KIAA1328: variants seen among roughly 807,000 people sequenced by gnomAD.
KIAA1328 encodes KIAA1328.
KIAA1328 carries 52 observed loss-of-function variants against 68.1 expected under a neutral mutation model. The observed-to-expected ratio is 0.76, with a 90% CI of 0.61 to 0.96. KIAA1328 has a LOEUF of 0.96. KIAA1328 is among the 40% of genes least tolerant of loss of function. The pLI, the probability that KIAA1328 is intolerant of heterozygous loss-of-function variation, is 0.00. For missense variants in KIAA1328, 641 were observed against 677.6 expected, an observed-to-expected ratio of 0.95 and a Z score of 0.60; for synonymous variants, 232 against 239.4, an observed-to-expected ratio of 0.97 and a Z score of 0.28.
chr18:36,918,575 GCTAA>G (rs1176790372), intron 5 of KIAA1328, among the ~76,000 whole-genome samples: 1 of 151,810 alleles, frequency 6.6e-6, no homozygotes. Flanking sequence ...ACCATGCCTG[GCTAA>G]CTGTTTTGTA....
At chr18:37,131,407 G>A (rs974762796) in intron 7 of KIAA1328, among the ~76,000 whole-genome samples, 3 of 152,148 alleles carry the variant, frequency 2.0e-5, no homozygotes, top group Non-Finnish European at 4.4e-5. Flanking sequence ...TTCTGTGTTT[G>A]TAGCACCTTT....
chr18:37,085,108 C>G (rs1019840480), intron 7 of KIAA1328, among the ~76,000 whole-genome samples: 5 of 152,066 alleles, frequency 3.3e-5, no homozygotes, highest in African/African-American at 1.2e-4. Flanking sequence ...TGACCTGGCT[C>G]TGGGCTGGTC....
At chr18:37,073,253 G>T (rs1485064740) in intron 7 of KIAA1328, among the ~76,000 whole-genome samples, 1 of 152,092 alleles carries the variant, frequency 6.6e-6, no homozygotes, top group East Asian at 1.9e-4. Context: ...GAAAATTTTT[G>T]CAATCTACCC....
At chr18:36,990,656 G>C (rs1018487782) in intron 6 of KIAA1328, among the ~76,000 whole-genome samples, 1 of 151,554 alleles carries the variant, frequency 6.6e-6, no homozygotes. Context: ...GGGCAACAGA[G>C]CAAGACTCCG....
At chr18:37,097,389 T>C (rs948442614) in intron 7 of KIAA1328, among the ~76,000 whole-genome samples, 1 of 152,216 alleles carries the variant, frequency 6.6e-6, no homozygotes, top group Admixed American at 6.5e-5. Context: ...GTTGCAGATA[T>C]GTGGCATTAT....
intron 6 of KIAA1328, among the ~76,000 whole-genome samples, chr18:37,038,882 G>T (rs1229170955): frequency 2.0e-5 from 3 of 152,112 alleles, no homozygotes; most frequent in Non-Finnish European, 2.9e-5. Context: ...AATTGAGAAA[G>T]CTGTGTTCTT....
chr18:37,125,376 T>C (rs2058366036), intron 7 of KIAA1328, among the ~76,000 whole-genome samples: 1 of 152,154 alleles, frequency 6.6e-6, no homozygotes, highest in Non-Finnish European at 1.5e-5. Flanking sequence ...AGAGGGAATC[T>C]TATAGCATTT....
intron 6 of KIAA1328, among the ~76,000 whole-genome samples, chr18:36,963,205 C>T (rs1213090442): frequency 7.9e-5 from 12 of 152,172 alleles, no homozygotes; most frequent in Admixed American, 2.0e-4. Flanking sequence ...CCCTGCTACA[C>T]GGAAAACAAG....
chr18:36,837,164 A>G (rs2046705226), intron 3 of KIAA1328, among the ~76,000 whole-genome samples: 1 of 152,024 alleles, frequency 6.6e-6, no homozygotes, highest in Non-Finnish European at 1.5e-5. Flanking sequence ...CCTTTTGACA[A>G]AATTCCAAAC....
Position 36,950,647 on chromosome 18 carries a change from C to T in KIAA1328, c.449-8661C>T, listed in dbSNP as rs189488687. On this transcript the variant is annotated intron_variant, in intron 5 of 9. Transcript: ENST00000280020. ...GTAGGAATCTAGGATTAAGGGCGGG[C>T]AAAACATTCTAGGCAGAACGTTATG... Among the ~76,000 whole-genome samples, 29 of 152,108 alleles carry T rather than the reference C, an allele frequency of 1.9e-4. 1 individual carries two copies. Among genetic ancestry groups the T allele is most frequent in the Admixed American group, 1.5e-3 (23 of 15,286 alleles).
chr18:37,186,221 C>T (rs1394420932), intron 9 of KIAA1328, among the ~76,000 whole-genome samples: 9 of 151,276 alleles, frequency 5.9e-5, no homozygotes, highest in East Asian at 5.8e-4. Context: ...CTCAGCCTCC[C>T]GAGTAGCTGG....
At chr18:36,835,045 T>C (rs1052807510) in intron 2 of KIAA1328, among the ~76,000 whole-genome samples, 189 bp from the exon 3 acceptor site, 5 of 152,208 alleles carry the variant, frequency 3.3e-5, no homozygotes, top group African/African-American at 2.4e-5. Context: ...ATTCAATCTT[T>C]AGTGTATTTC....
chr18:37,117,148 A>G (rs115512271), intron 7 of KIAA1328, among the ~76,000 whole-genome samples: 5 of 151,760 alleles, frequency 3.3e-5, no homozygotes, highest in Non-Finnish European at 4.4e-5. Flanking sequence ...TGACCCGGCC[A>G]TCCCAAGGGA....
chr18:36,928,417 C>A lies in KIAA1328; in HGVS notation c.449-30891C>A, dbSNP rs370171352. ...CTTTATTGTATCTCAGTTTTTTCAT[C>A]TGTAAAATGAAAATAATTGTACCTC... On this transcript the variant is annotated intron_variant, in intron 5 of 9. Transcript: ENST00000280020. Among the ~76,000 whole-genome samples, 94 of 152,218 alleles carry A rather than the reference C, an allele frequency of 6.2e-4. 1 individual carries two copies. The South Asian group carries it at 0.019, about 31-fold the overall frequency.
intron 5 of KIAA1328, among the ~76,000 whole-genome samples, chr18:36,953,521 T>A (rs1393943044): frequency 6.6e-6 from 1 of 151,368 alleles, no homozygotes; most frequent in East Asian, 1.9e-4. Context: ...CTTACAGATA[T>A]AAAATTTTAT....
chr18:37,050,409 C>T (rs1054549915), intron 6 of KIAA1328, among the ~76,000 whole-genome samples: 4 of 152,042 alleles, frequency 2.6e-5, no homozygotes, highest in African/African-American at 9.7e-5. Flanking sequence ...CTTTGCCTGT[C>T]TCATTTTCTC....
intron 7 of KIAA1328, among the ~76,000 whole-genome samples, chr18:37,126,972 A>G (rs763175059): frequency 2.6e-5 from 4 of 152,208 alleles, no homozygotes; most frequent in African/African-American, 4.8e-5. Flanking sequence ...ACCTGCAGTT[A>G]AAATATTTTG....
intron 6 of KIAA1328, among the ~76,000 whole-genome samples, chr18:37,033,657 G>A (rs2054917718): frequency 1.3e-5 from 2 of 152,162 alleles, no homozygotes; most frequent in Non-Finnish European, 2.9e-5. Flanking sequence ...CATATGTGCA[G>A]TCTTAGCAAA....
chr18:37,078,834 G>A (rs111237390), intron 7 of KIAA1328, among the ~76,000 whole-genome samples: 37,565 of 146,984 alleles, frequency 0.26, 7,424 homozygotes, highest in African/African-American at 0.57. Flanking sequence ...GAAACAACAG[G>A]TGCTGGAGAG....
Sources: gnomAD v4.1 joint callset for allele counts (sites outside exome capture counted in the v4.1 genomes callset) on GRCh38, gnomAD v4.1.1 for gene constraint, MANE v1.5 for transcripts, NCBI Gene and HGNC (gene_info 2026-07-23, HGNC 2026-07-21) for gene names.